Variants in RGS6 observed in about 807,000 individuals in gnomAD.
RGS6 encodes regulator of G-protein signaling 6.
Under a neutral mutation model 78.5 loss-of-function variants are expected in RGS6, and 30 were observed. That is an observed-to-expected ratio of 0.38 (90% CI 0.29 to 0.52). The LOEUF is 0.52. RGS6 is among the 20% of genes least tolerant of loss of function. RGS6 has a pLI of 0.85. For synonymous variants in RGS6, 206 were observed against 206.0 expected, an observed-to-expected ratio of 1.00 and a Z score of 0.00; for missense variants, 495 against 609.7, an observed-to-expected ratio of 0.81 and a Z score of 1.98.
At chr14:71,955,164 T>G (rs1313607492) in intron 1 of RGS6, among the ~76,000 whole-genome samples, 1 of 152,202 alleles carries the variant, frequency 6.6e-6, no homozygotes, top group East Asian at 1.9e-4. Context: ...ACTTTAGGTT[T>G]CCCTAACTAC....
rs77558123 is a variant in RGS6 at position 71,959,498 on chromosome 14, A to T, written c.-20-5274A>T. ...CTTCTCCTACATGGCATTTCCCTGAATAGGGTTTTGAGGGCTGGGCACTAA... is the reference window on the plus strand; with the variant it reads ...CTTCTCCTACATGGCATTTCCCTGATTAGGGTTTTGAGGGCTGGGCACTAA... On this transcript the variant is annotated intron_variant, in intron 1 of 17. Coordinates refer to ENST00000553525, the MANE Select transcript of RGS6 (RefSeq NM_001204424.2). Among the ~76,000 whole-genome samples, 90 of 152,314 alleles carry T rather than the reference A, an allele frequency of 5.9e-4. 2 individuals carry two copies. The East Asian group carries it at 0.017, about 28-fold the overall frequency.
the RGS6 span, among the ~76,000 whole-genome samples, chr14:71,884,423 G>T: frequency 6.6e-6 from 1 of 152,226 alleles, no homozygotes; most frequent in Non-Finnish European, 1.5e-5. Context: ...GTTATTTGGA[G>T]TTGGGGGGTA....
chr14:72,432,571 G>C (rs902585135), intron 3 of RGS6, among the ~76,000 whole-genome samples: 53 of 152,210 alleles, frequency 3.5e-4, no homozygotes, highest in African/African-American at 1.2e-3. Flanking sequence ...TAATCAGAAA[G>C]CAATGTATCT....
At chr14:71,947,717 T>G (rs1566887916) in intron 1 of RGS6, among the ~76,000 whole-genome samples, 1 of 152,200 alleles carries the variant, frequency 6.6e-6, no homozygotes, top group African/African-American at 2.4e-5. Flanking sequence ...TTCTTATATT[T>G]TCTAATTATT....
intron 2 of RGS6, among the ~76,000 whole-genome samples, chr14:72,121,963 A>G (rs2096063193): frequency 6.6e-6 from 1 of 152,166 alleles, no homozygotes; most frequent in African/African-American, 2.4e-5. Context: ...TGCTACTGGC[A>G]TCTGGTGGAT....
At chr14:72,373,259 C>T (rs772762975) in intron 3 of RGS6, among the ~76,000 whole-genome samples, 1 of 152,120 alleles carries the variant, frequency 6.6e-6, no homozygotes, top group Non-Finnish European at 1.5e-5. Flanking sequence ...AATTATTTCC[C>T]ATTGGTACCT....
intron 4 of RGS6, 45 bp from the exon 5 acceptor site, chr14:72,458,226 A>G (rs1456192322): frequency 6.7e-7 from 1 of 1,483,314 alleles, no homozygotes; most frequent in Non-Finnish European, 9.4e-7. Context: ...TCAGCCAAAT[A>G]ACCTGCTTTC....
chr14:72,586,904 A>G, the RGS6 span, among the ~76,000 whole-genome samples: 18 of 152,318 alleles, frequency 1.2e-4, no homozygotes, highest in African/African-American at 4.3e-4. Flanking sequence ...CGAGAATAAG[A>G]GGCATTAGTA....
Position 72,269,997 on chromosome 14 carries a change from G to A in RGS6, c.85-82098G>A, listed in dbSNP as rs542319566. Reference sequence around the variant, plus strand: ...CAGGAAGTTTACGTTTTGAAGGGGGGATACAACAAAAAGCTAGAATTTGTA... The same window carrying A: ...CAGGAAGTTTACGTTTTGAAGGGGGAATACAACAAAAAGCTAGAATTTGTA... On this transcript the variant is annotated intron_variant, in intron 2 of 17. Transcript: ENST00000553525. Among the ~76,000 whole-genome samples the A allele has an allele frequency of 4.2e-4, 64 of 152,254 alleles. 4 individuals are homozygous for A. The South Asian group carries it at 0.013, about 31-fold the overall frequency.
chr14:72,384,402 G>A (rs1566688045), intron 3 of RGS6, among the ~76,000 whole-genome samples: 1 of 152,298 alleles, frequency 6.6e-6, no homozygotes, highest in East Asian at 1.9e-4. Context: ...CTTTTAAAAT[G>A]AAATGTATGT....
intron 2 of RGS6, among the ~76,000 whole-genome samples, chr14:72,029,969 C>G (rs1215380160): frequency 6.6e-6 from 1 of 152,218 alleles, no homozygotes; most frequent in African/African-American, 2.4e-5. Context: ...GCAAAATATG[C>G]AATCTTTTCT....
At chr14:72,579,817 G>A in the RGS6 span, among the ~76,000 whole-genome samples, 1 of 152,194 alleles carries the variant, frequency 6.6e-6, no homozygotes, top group African/African-American at 2.4e-5. Context: ...CCCACCTGGA[G>A]GCCACTGAAG....
At chr14:72,069,541 T>A (rs2094323526) in intron 2 of RGS6, among the ~76,000 whole-genome samples, 1 of 152,048 alleles carries the variant, frequency 6.6e-6, no homozygotes, top group African/African-American at 2.4e-5. Context: ...GATGATTTTT[T>A]AAAACTTATT....
chr14:72,465,857 A>G, intron 7 of RGS6, 35 bp downstream of exon 7: 2 of 1,542,684 alleles, frequency 1.3e-6, no homozygotes. Flanking sequence ...ACATATAAGA[A>G]GAGAGTAAAA....
At chr14:72,204,944 A>G (rs2042378191) in intron 2 of RGS6, among the ~76,000 whole-genome samples, 1 of 152,232 alleles carries the variant, frequency 6.6e-6, no homozygotes, top group Non-Finnish European at 1.5e-5. Flanking sequence ...ATGTTTGGCC[A>G]CCATGGACTC....
chr14:72,622,855 CCT>C, the RGS6 span, among the ~76,000 whole-genome samples: 75 of 152,282 alleles, frequency 4.9e-4, 1 homozygote, highest in African/African-American at 1.7e-3. Flanking sequence ...AACCTCACCC[CCT>C]GACTCCTCCT....
the RGS6 span, among the ~76,000 whole-genome samples, chr14:71,921,995 T>G: frequency 6.6e-6 from 1 of 152,334 alleles, no homozygotes; most frequent in South Asian, 2.1e-4. Context: ...GAATTTCTCT[T>G]AGTTCTGTGG....
the RGS6 span, among the ~76,000 whole-genome samples, chr14:71,869,929 G>A: frequency 1.3e-5 from 2 of 152,192 alleles, no homozygotes; most frequent in African/African-American, 4.8e-5. Context: ...GACATAGCAA[G>A]AAGTCGCTTG....
chr14:72,609,256 A>G, the RGS6 span, among the ~76,000 whole-genome samples: 1 of 152,010 alleles, frequency 6.6e-6, no homozygotes, highest in African/African-American at 2.4e-5. Context: ...TCTTCATCTC[A>G]TCAGCGACAG....
Sources: gnomAD v4.1 joint callset for allele counts (sites outside exome capture counted in the v4.1 genomes callset) on GRCh38, gnomAD v4.1.1 for gene constraint, MANE v1.5 for transcripts, NCBI Gene and HGNC (gene_info 2026-07-23, HGNC 2026-07-21) for gene names.